The following TMEM14C variants were observed in gnomAD, a reference collection of about 807,000 sequenced individuals.
TMEM14C encodes the protein chromosome 6 open reading frame 53.
Under a neutral mutation model 14.8 loss-of-function variants are expected in TMEM14C, and 13 were observed. That is an observed-to-expected ratio of 0.88 (90% CI 0.57 to 1.40). The LOEUF (loss-of-function observed/expected upper bound fraction) is 1.40. Ranked by LOEUF, TMEM14C falls within the 40% of genes most tolerant of loss-of-function variation. The pLI is 0.00. For missense variants in TMEM14C, 142 were observed against 138.8 expected (o/e 1.02, Z -0.12); for synonymous variants, 57 against 51.3 (o/e 1.11, Z -0.48).
intron 4 of TMEM14C, 93 bp downstream of exon 4, chr6:10,726,101 C>T (rs911139349): frequency 2.7e-5 from 37 of 1,387,874 alleles, no homozygotes; most frequent in Non-Finnish European, 3.7e-5. Flanking sequence ...GTGAGTTCTT[C>T]ACACTTCACT....
Position 10,728,629 on chromosome 6 carries a change from T to A in TMEM14C, c.200-11T>A. On this transcript the variant is annotated splice_polypyrimidine_tract_variant and intron_variant, in intron 4 of 5. Transcript: ENST00000229563. ...ATGAGTTTTAACACTTCTTTATATG[T>A]TTTTCATCAGCTACATCTGGTACCT... 1 of 1,613,614 alleles carries A rather than the reference T, an allele frequency of 6.2e-7. No homozygotes were observed. Among genetic ancestry groups the A allele is most frequent in the Non-Finnish European group, 8.5e-7 (1 of 1,179,860 alleles).
intron 4 of TMEM14C, 139 bp downstream of exon 4, chr6:10,726,147 A>G (rs896483752): frequency 8.6e-6 from 8 of 928,938 alleles, no homozygotes; most frequent in Non-Finnish European, 1.3e-5. Flanking sequence ...AGTCCTCAGA[A>G]AGTTTTAAAA....
intron 1 of TMEM14C, among the ~76,000 whole-genome samples, chr6:10,724,082 CTG>C (rs763543341): frequency 3.3e-4 from 51 of 152,280 alleles, no homozygotes; most frequent in Non-Finnish European, 6.0e-4. Context: ...CTAACAAGAA[CTG>C]TGAGTTGGAC....
chr6:10,730,764 T>A lies in TMEM14C; in HGVS notation c.*98T>A, dbSNP rs1449449721. On this transcript the variant is annotated 3_prime_UTR_variant, in exon 6 of 6. Transcript: ENST00000229563. ...GAGAAATAAGTGCAGCATTTTTGCA[T>A]CTGACATTTTACCTAAAAAAAAAGA... 27 of 1,428,100 alleles carry A rather than the reference T, an allele frequency of 1.9e-5. No homozygotes were observed. The highest frequency in any genetic ancestry group is 2.2e-5 in the Non-Finnish European group (24 of 1,081,472). The allele number at this position is 1,428,100 out of a possible 1,614,324, so 88.5% of individuals were successfully genotyped here. A position where few individuals can be genotyped will look rare whatever the true frequency, so the allele number is the denominator to read the frequency against.
intron 1 of TMEM14C, 23 bp from the exon 2 acceptor site, chr6:10,724,547 C>G: frequency 1.9e-6 from 3 of 1,565,052 alleles, no homozygotes; most frequent in Non-Finnish European, 2.6e-6. Context: ...TTAACTACCT[C>G]TGATCCAGCT....
chr6:10,730,917 C>G lies in TMEM14C; in HGVS notation c.*251C>G. 1.8e-6 allele frequency: 2 copies of G among 1,118,914 alleles called. No homozygotes were observed. The highest frequency in any genetic ancestry group is 1.6e-5 in the African/African-American group (1 of 61,696). 69.3% of individuals were successfully genotyped at this position (1,118,914 alleles called of 1,614,324 possible). On this transcript the variant is annotated 3_prime_UTR_variant, in exon 6 of 6. Transcript: ENST00000229563. ...TTCTTGTATATTGATGTTGTCTTTTCTTTCTGTATCTGTAGGTAAATCTCA... is the reference window on the plus strand; with the variant it reads ...TTCTTGTATATTGATGTTGTCTTTTGTTTCTGTATCTGTAGGTAAATCTCA...
At chr6:10,726,897 T>C (rs577675302) in intron 4 of TMEM14C, among the ~76,000 whole-genome samples, 4 of 152,044 alleles carry the variant, frequency 2.6e-5, no homozygotes, top group African/African-American at 9.7e-5. Context: ...ATGAGTGCCA[T>C]GTGGGAGGGA....
intron 2 of TMEM14C, 120 bp from the exon 3 acceptor site, chr6:10,724,841 T>G: frequency 1.4e-6 from 2 of 1,379,514 alleles, no homozygotes; most frequent in Non-Finnish European, 2.1e-6. Flanking sequence ...CCAACCTCTG[T>G]GGTCCTTATT....
chr6:10,729,211 A>G (rs1307146739), intron 5 of TMEM14C, among the ~76,000 whole-genome samples: 1 of 152,184 alleles, frequency 6.6e-6, no homozygotes, highest in East Asian at 1.9e-4. Context: ...CGCTCACTGC[A>G]ATCACCATCT....
In TMEM14C at chr6:10,725,885, A is replaced by G. The variant is rs762673670; in HGVS notation, c.98-22A>G. The G allele has an allele frequency of 1.9e-6, 3 of 1,612,740 alleles. No homozygotes were observed. The Admixed American group carries it at 5.0e-5, about 27-fold the overall frequency. On this transcript the variant is annotated intron_variant, in intron 3 of 5. Coordinates refer to ENST00000229563, the MANE Select transcript of TMEM14C (RefSeq NM_016462.4). Reference sequence around the variant, plus strand: ...AATAAGTGCCTGACATTACAATGCAAGCTGTGTTTGCTTCCCTCTAGGCAG... The same window carrying G: ...AATAAGTGCCTGACATTACAATGCAGGCTGTGTTTGCTTCCCTCTAGGCAG...
At chr6:10,726,670 G>A (rs1264710346) in intron 4 of TMEM14C, among the ~76,000 whole-genome samples, 4 of 152,180 alleles carry the variant, frequency 2.6e-5, no homozygotes, top group African/African-American at 7.2e-5. Flanking sequence ...CAGCCTGGGC[G>A]ACAGAGCAAG....
chr6:10,723,929 G>A (rs1190493750), intron 1 of TMEM14C, among the ~76,000 whole-genome samples: 1 of 152,128 alleles, frequency 6.6e-6, no homozygotes, highest in Non-Finnish European at 1.5e-5. Context: ...AATAAACGGG[G>A]TATGCATTGC....
At chr6:10,729,784 CAAA>C (rs1770975081) in intron 5 of TMEM14C, among the ~76,000 whole-genome samples, 1 of 130,354 alleles carries the variant, frequency 7.7e-6, no homozygotes, top group Admixed American at 8.0e-5. Context: ...TCTCAAAAAA[CAAA>C]CAAACAAACA....
chr6:10,724,473 A>C, intron 1 of TMEM14C, 97 bp from the exon 2 acceptor site: 1 of 752,680 alleles, frequency 1.3e-6, no homozygotes, highest in South Asian at 1.6e-5. Context: ...AAGAATACTG[A>C]GACTTAGGTT....
chr6:10,725,481 T>C (rs1287756532), intron 3 of TMEM14C, among the ~76,000 whole-genome samples: 1 of 152,150 alleles, frequency 6.6e-6, no homozygotes, highest in Non-Finnish European at 1.5e-5. Context: ...CCCCAACCCC[T>C]GCACCAGAAT....
chr6:10,724,394 T>C (rs1361125666), intron 1 of TMEM14C, 176 bp from the exon 2 acceptor site: 3 of 579,446 alleles, frequency 5.2e-6, no homozygotes, highest in Non-Finnish European at 9.2e-6. Context: ...CACCTTTACA[T>C]GTGACATCCA....
chr6:10,729,805 C>T (rs943499973), intron 5 of TMEM14C, among the ~76,000 whole-genome samples: 3 of 151,330 alleles, frequency 2.0e-5, no homozygotes, highest in African/African-American at 4.9e-5. Context: ...ACAAACAAAA[C>T]TTTAGTTGTA....
At chr6:10,730,226 G>A (rs1469180173) in intron 5 of TMEM14C, among the ~76,000 whole-genome samples, 1 of 152,220 alleles carries the variant, frequency 6.6e-6, no homozygotes, top group African/African-American at 2.4e-5. Context: ...TCTGATCATA[G>A]TTGTGATGCT....
chr6:10,727,936 C>T (rs1166312041), intron 4 of TMEM14C, among the ~76,000 whole-genome samples: 1 of 152,210 alleles, frequency 6.6e-6, no homozygotes, highest in Admixed American at 6.5e-5. Context: ...CTTCAAGGCT[C>T]CATGTGGTCT....
Sources: gnomAD v4.1 joint callset for allele counts (sites outside exome capture counted in the v4.1 genomes callset) on GRCh38, gnomAD v4.1.1 for gene constraint, MANE v1.5 for transcripts, NCBI Gene and HGNC (gene_info 2026-07-23, HGNC 2026-07-21) for gene names.